The following RGS7 variants were observed in gnomAD, a reference collection of about 807,000 sequenced individuals.
The protein encoded by RGS7 is regulator of G protein signaling 7.
A neutral mutation model predicts 81.1 loss-of-function variants in RGS7; 27 were observed. The ratio of observed to expected loss-of-function variants is 0.33; its 90% CI spans 0.25 to 0.46. The LOEUF (loss-of-function observed/expected upper bound fraction) is 0.46. RGS7 is among the 20% of genes least tolerant of loss of function. RGS7 has a pLI of 1.00. For synonymous variants in RGS7, 208 were observed against 207.7 expected, an observed-to-expected ratio of 1.00 and a Z score of -0.01; for missense variants, 396 against 607.4, an observed-to-expected ratio of 0.65 and a Z score of 3.66.
At chr1:240,993,523 G>A (rs1182177798) in intron 3 of RGS7, among the ~76,000 whole-genome samples, 4 of 151,976 alleles carry the variant, frequency 2.6e-5, no homozygotes, top group East Asian at 3.9e-4. Context: ...TCTGTGAAAC[G>A]TCTCTTCATG....
At chr1:241,191,019 G>C (rs912117657) in intron 2 of RGS7, among the ~76,000 whole-genome samples, 4 of 150,960 alleles carry the variant, frequency 2.6e-5, no homozygotes, top group African/African-American at 9.7e-5. Context: ...GTCTTGCTCT[G>C]TCGCCAGGCT....
chr1:240,948,405 G>T (rs538673448), intron 4 of RGS7, among the ~76,000 whole-genome samples: 1 of 152,154 alleles, frequency 6.6e-6, no homozygotes, highest in South Asian at 2.1e-4. Flanking sequence ...ATAAAATAGG[G>T]GAGCCAAAAG....
At chr1:240,895,155 C>T (rs997852067) in intron 6 of RGS7, among the ~76,000 whole-genome samples, 1 of 152,140 alleles carries the variant, frequency 6.6e-6, no homozygotes, top group African/African-American at 2.4e-5. Context: ...CACCTTCCAC[C>T]ATGATTGAAA....
chr1:241,098,705 C>G lies in RGS7; in HGVS notation c.136G>C (p.Val46Leu). 1 of 1,613,742 alleles carries G rather than the reference C, an allele frequency of 6.2e-7. No homozygotes were observed. Among genetic ancestry groups the G allele is most frequent in the Non-Finnish European group, 8.5e-7 (1 of 1,179,840 alleles). The change falls in exon 3 of 19, where the codon GTC becomes CTC. Residue 46 changes from valine to leucine, a missense_variant. By Grantham distance (32) the Val-to-Leu change is conservative. Coordinates refer to ENST00000440928, the MANE Select transcript of RGS7 (RefSeq NM_001364886.1). ...GGTATCTTGGAAAGAAAGCTTTTGA[C>G]CGTACGAATAGGAATTCCATTTTTT... ...DEKNGIPIRTVKSFLSKIPSV... is the reference protein window; with the variant it reads ...DEKNGIPIRTLKSFLSKIPSV...
At chr1:240,908,449 C>T (rs1300121400) in intron 6 of RGS7, among the ~76,000 whole-genome samples, 1 of 152,162 alleles carries the variant, frequency 6.6e-6, no homozygotes, top group Non-Finnish European at 1.5e-5. Context: ...GAATGTCTTT[C>T]CTGTAGTTCT....
chr1:241,089,021 ATCTCTCTCTCTC>A (rs1158514403), intron 3 of RGS7, among the ~76,000 whole-genome samples: 10 of 23,656 alleles, frequency 4.2e-4, no homozygotes, highest in East Asian at 1.1e-3. Context: ...GCAAGACTCC[ATCTCTCTCTCTC>A]TCTCTCTCTC....
intron 18 of RGS7, among the ~76,000 whole-genome samples, chr1:240,791,161 A>C (rs1685937341): frequency 6.6e-6 from 1 of 152,236 alleles, no homozygotes; most frequent in African/African-American, 2.4e-5. Flanking sequence ...ATGTGCTTTA[A>C]ATTTCCAACA....
intron 2 of RGS7, among the ~76,000 whole-genome samples, chr1:241,316,187 C>T (rs1223125744): frequency 6.6e-6 from 1 of 152,174 alleles, no homozygotes; most frequent in East Asian, 1.9e-4. Flanking sequence ...GATAGTGTTT[C>T]CATGCCCTCT....
chr1:241,016,398 G>A (rs891155681), intron 3 of RGS7, among the ~76,000 whole-genome samples: 5 of 151,802 alleles, frequency 3.3e-5, no homozygotes, highest in African/African-American at 4.8e-5. Flanking sequence ...TGCACCTGTA[G>A]TCTCAGCTAT....
chr1:241,077,839 C>G (rs530135733), intron 3 of RGS7, among the ~76,000 whole-genome samples: 1 of 152,272 alleles, frequency 6.6e-6, no homozygotes, highest in African/African-American at 2.4e-5. Flanking sequence ...CGTGTCACCC[C>G]TACCCTGAGA....
rs745709773 is a variant in RGS7 at position 240,868,738 on chromosome 1, A to C, written c.527+38T>G. 1 of 1,612,474 alleles carries C rather than the reference A, an allele frequency of 6.2e-7. No homozygotes were observed. The highest frequency in any genetic ancestry group is 8.5e-7 in the Non-Finnish European group (1 of 1,178,530). ...TGCCTCTCTGAACAAAAAGGCCACA[A>C]CTGGAACAAATCTTCCAAACGACTC... On this transcript the variant is annotated intron_variant, in intron 8 of 18. Transcript: ENST00000440928. This position sits in a 1 kb window ranked among gnomAD's most constrained non-coding sequence, Gnocchi z 5.1.
intron 2 of RGS7, among the ~76,000 whole-genome samples, chr1:241,104,586 A>T (rs1361117136): frequency 6.6e-6 from 1 of 152,258 alleles, no homozygotes; most frequent in African/African-American, 2.4e-5. Flanking sequence ...AGTTATTTAG[A>T]TTAAAAATTA....
intron 3 of RGS7, among the ~76,000 whole-genome samples, chr1:241,076,208 G>C (rs1425973338): frequency 6.6e-6 from 1 of 151,960 alleles, no homozygotes. Context: ...TTCTCGAATG[G>C]AGCCTCTTCT....
intron 3 of RGS7, among the ~76,000 whole-genome samples, chr1:241,068,257 T>TATGTATATATATATATATATATATATAA (rs1433690559): frequency 9.6e-5 from 7 of 73,216 alleles, no homozygotes; most frequent in African/African-American, 2.2e-4. Flanking sequence ...TATATATATA[T>TATGTATATATATATATATATATATATAA]AAAATATTGT....
chr1:241,068,911 G>C (rs1348105478), intron 3 of RGS7, among the ~76,000 whole-genome samples: 1 of 152,038 alleles, frequency 6.6e-6, no homozygotes, highest in Non-Finnish European at 1.5e-5. Context: ...TGTTGCAATA[G>C]GAAGGGAGTT....
rs73123921 is a variant in RGS7 at position 241,290,081 on chromosome 1, T to C, written c.78+65618A>G. ...TATTTTTATATACTGGTTAGTGGTA[T>C]ACATGCATGCAAATCTCCCTTTAAA... On this transcript the variant is annotated intron_variant, in intron 2 of 18. Transcript: ENST00000440928. Among the ~76,000 whole-genome samples, 557 of 152,348 alleles carry C rather than the reference T, an allele frequency of 3.7e-3. 2 individuals are homozygous for C. The highest frequency in any genetic ancestry group is 0.013 in the African/African-American group (526 of 41,574).
intron 3 of RGS7, among the ~76,000 whole-genome samples, chr1:241,011,859 A>C (rs544193493): frequency 1.3e-4 from 20 of 152,256 alleles, no homozygotes; most frequent in East Asian, 9.7e-4. Context: ...ATATATATAT[A>C]TATCTATCTA....
rs1247347526 is a variant in RGS7 at position 240,868,805 on chromosome 1, G to T, written c.498C>A (p.Phe166Leu). The change falls in exon 8 of 19, where the codon TTC (phenylalanine) becomes TTA (leucine). Residue 166 changes from phenylalanine (F) to leucine (L), a missense_variant. Transcript: ENST00000440928. The surrounding 1 kb of genome is among the most constrained non-coding windows in gnomAD (Gnocchi z 5.1). ...LQRAFARKWE[F>L]IFMQAEAQAK... is the part of the protein sequence containing the mutation. The stretch of plus-strand genomic sequence containing the variant: ...CTTGTGCTTCTGCTTGCATGAAAAT[G>T]AACTCCCACTTCCGGGCAAATGCTC... 1 of 1,613,996 alleles carries T rather than the reference G, an allele frequency of 6.2e-7. No homozygotes were observed. The highest frequency in any genetic ancestry group is 8.5e-7 in the Non-Finnish European group (1 of 1,180,006).
intron 10 of RGS7, among the ~76,000 whole-genome samples, chr1:240,826,668 C>G (rs533849681): frequency 6.6e-6 from 1 of 152,244 alleles, no homozygotes; most frequent in East Asian, 1.9e-4. Flanking sequence ...ATAGCTTCCC[C>G]CACACCCTGC....
Sources: allele counts gnomAD v4.1 joint callset (sites outside exome capture counted in the v4.1 genomes callset), GRCh38; gene constraint gnomAD v4.1.1; non-coding constraint Gnocchi (gnomAD v3.1); transcripts MANE v1.5; gene names NCBI Gene and HGNC (gene_info 2026-07-23, HGNC 2026-07-21).